COL24A1: variants seen among roughly 807,000 people sequenced by gnomAD.
The protein encoded by COL24A1 is collagen type XXIV alpha 1 chain, also known as collagen alpha-1(XXIV) chain.
Under a neutral mutation model 253.9 loss-of-function variants are expected in COL24A1, and 224 were observed. The observed-to-expected ratio is 0.88, with a 90% CI of 0.79 to 0.99. COL24A1 has a LOEUF of 0.99. COL24A1 is among the 50% of genes least tolerant of loss of function. COL24A1 has a pLI of 0.00. For missense variants in COL24A1, 2,131 were observed against 2,068.5 expected, an observed-to-expected ratio of 1.03 and a Z score of -0.59; for synonymous variants, 685 against 673.7, an observed-to-expected ratio of 1.02 and a Z score of -0.26.
At chr1:86,034,452 G>C (rs1698843493) in intron 12 of COL24A1, among the ~76,000 whole-genome samples, 1 of 152,136 alleles carries the variant, frequency 6.6e-6, no homozygotes, top group Admixed American at 6.6e-5. Context: ...AAAGCACAGA[G>C]AGTGTAGGTC....
intron 18 of COL24A1, among the ~76,000 whole-genome samples, chr1:86,021,589 A>G (rs113363941): frequency 0.014 from 2,142 of 152,252 alleles, 61 homozygotes; most frequent in African/African-American, 0.049. Flanking sequence ...TTAGATGTAT[A>G]GTCCTTAGAA....
At chr1:86,012,141 A>C (rs535859882) in intron 19 of COL24A1, among the ~76,000 whole-genome samples, 5 of 152,246 alleles carry the variant, frequency 3.3e-5, no homozygotes, top group Admixed American at 3.3e-4. Flanking sequence ...AAAATAAATA[A>C]AAATAAATTT....
At chr1:86,135,981 A>G (rs528094061) in intron 2 of COL24A1, among the ~76,000 whole-genome samples, 2 of 152,142 alleles carry the variant, frequency 1.3e-5, no homozygotes, top group East Asian at 3.9e-4. Flanking sequence ...TCAAAACCCA[A>G]AGGCTCTGCT....
intron 24 of COL24A1, among the ~76,000 whole-genome samples, chr1:85,958,194 A>C (rs1017903957): frequency 6.6e-6 from 1 of 152,158 alleles, no homozygotes; most frequent in African/African-American, 2.4e-5. Context: ...ATAGCAAGGT[A>C]GGTGGCAAAG....
chr1:86,135,783 A>C (rs1326394373), intron 2 of COL24A1, among the ~76,000 whole-genome samples: 1 of 151,384 alleles, frequency 6.6e-6, no homozygotes, highest in South Asian at 2.1e-4. Context: ...TTTGGTCAGA[A>C]TATTTGTCAG....
intron 19 of COL24A1, among the ~76,000 whole-genome samples, chr1:86,006,390 C>T (rs1324899): frequency 0.42 from 64,192 of 151,930 alleles, 13,946 homozygotes; most frequent in Admixed American, 0.54. Context: ...GACAAAGGAG[C>T]GAAGGCAGTA....
chr1:85,745,258 C>T (rs769224571), intron 56 of COL24A1, among the ~76,000 whole-genome samples, 183 bp downstream of exon 56: 52 of 152,042 alleles, frequency 3.4e-4, no homozygotes, highest in Non-Finnish European at 4.7e-4. Flanking sequence ...AAACATCCTA[C>T]GCATATATTT....
At chr1:85,933,652 TATCATATATG>T (rs1688003452) in intron 24 of COL24A1, among the ~76,000 whole-genome samples, 1 of 152,174 alleles carries the variant, frequency 6.6e-6, no homozygotes, top group South Asian at 2.1e-4. Context: ...AAACTTCAAG[TATCATATATG>T]CTAGTGAGAA....
At position 85,970,287 on chromosome 1, in the gene COL24A1, AG is replaced by A; in HGVS notation, c.2419-17del. The A allele has an allele frequency of 6.4e-7, 1 of 1,567,568 alleles. No individual in the cohort carries two copies. Among genetic ancestry groups the A allele is most frequent in the Admixed American group, 1.9e-5 (1 of 53,110 alleles). ...CTTCTTCTCCCTTAAAAAAAAAAAA[AG>A]TCAGAACATATTATGGCCTAAAATG... On this transcript the variant is annotated splice_polypyrimidine_tract_variant and intron_variant, in intron 21 of 59. Transcript: ENST00000370571.
At chr1:85,838,542 A>C (rs188613246) in intron 43 of COL24A1, 43 bp downstream of exon 43, 1 of 1,523,908 alleles carries the variant, frequency 6.6e-7, no homozygotes, top group Non-Finnish European at 9.1e-7. Flanking sequence ...AACACAGAGA[A>C]CCCTATTTAA....
At position 86,156,364 on chromosome 1, in the gene COL24A1, T is replaced by C; in HGVS notation, c.33A>G (p.Gly11=). 1 of 1,613,158 alleles carries C rather than the reference T, an allele frequency of 6.2e-7. No homozygotes were observed. The highest frequency in any genetic ancestry group is 8.5e-7 in the Non-Finnish European group (1 of 1,179,592). MHLRAHRTRR[G]KVSPTAKTKS... ...ACGTTTTTGCCGTGGGGGAGACTTT[T>C]CCACGCCTTGTTCTGTGGGCTCTTA... The change falls in exon 1 of 60, where the codon GGA becomes GGG. Residue 11 remains glycine (G), a synonymous_variant. Coordinates refer to ENST00000370571, the MANE Select transcript of COL24A1 (RefSeq NM_152890.7).
intron 24 of COL24A1, among the ~76,000 whole-genome samples, chr1:85,944,880 A>G (rs936108756): frequency 6.6e-6 from 1 of 151,052 alleles, no homozygotes; most frequent in Non-Finnish European, 1.5e-5. Context: ...TAGTTTACTG[A>G]GAATGATGAT....
At chr1:86,006,596 G>T (rs1695983173) in intron 19 of COL24A1, among the ~76,000 whole-genome samples, 1 of 152,062 alleles carries the variant, frequency 6.6e-6, no homozygotes, top group Admixed American at 6.6e-5. Flanking sequence ...ATGACCTTGG[G>T]TATGTTGTTT....
At chr1:86,037,893 T>TA in intron 12 of COL24A1, among the ~76,000 whole-genome samples, 1 of 152,282 alleles carries the variant, frequency 6.6e-6, no homozygotes, top group Non-Finnish European at 1.5e-5. Flanking sequence ...TTTCTAGTTT[T>TA]AAAAAACTTA....
chr1:85,941,457 T>G (rs1242312128), intron 24 of COL24A1, among the ~76,000 whole-genome samples: 1 of 152,122 alleles, frequency 6.6e-6, no homozygotes, highest in African/African-American at 2.4e-5. Context: ...TTGAACCAAT[T>G]TGGGTTTCAC....
At chr1:85,798,389 G>A (rs768723467) in intron 47 of COL24A1, among the ~76,000 whole-genome samples, 4 of 152,012 alleles carry the variant, frequency 2.6e-5, no homozygotes, top group Admixed American at 2.0e-4. Flanking sequence ...GTTGGGGGTC[G>A]GAGGGAGGGA....
At chr1:85,844,277 T>G (rs1189785930) in intron 39 of COL24A1, among the ~76,000 whole-genome samples, 1 of 152,048 alleles carries the variant, frequency 6.6e-6, no homozygotes, top group Admixed American at 6.6e-5. Flanking sequence ...CAATAAAAAT[T>G]AAAAATCTAC....
intron 53 of COL24A1, among the ~76,000 whole-genome samples, chr1:85,771,778 T>TTTATTTATTTATTTA (rs1558060760): frequency 3.4e-5 from 5 of 146,578 alleles, no homozygotes; most frequent in South Asian, 4.3e-4. Context: ...TGCCTGACTT[T>TTTATTTATTTATTTA]TTTATTTATT....
At chr1:86,091,094 G>A (rs1306484822) in intron 6 of COL24A1, among the ~76,000 whole-genome samples, 3 of 151,948 alleles carry the variant, frequency 2.0e-5, no homozygotes, top group Non-Finnish European at 4.4e-5. Flanking sequence ...TCATATTGCA[G>A]AATTTTGTCC....
Sources: gnomAD v4.1 joint callset for allele counts (sites outside exome capture counted in the v4.1 genomes callset) on GRCh38, gnomAD v4.1.1 for gene constraint, MANE v1.5 for transcripts, NCBI Gene and HGNC (gene_info 2026-07-23, HGNC 2026-07-21) for gene names.